Variants in BEND3 observed in about 807,000 individuals in gnomAD.
BEND3 encodes BEN domain-containing protein 3.
BEND3 carries 13 observed loss-of-function variants against 60.1 expected under a neutral mutation model. The ratio of observed to expected loss-of-function variants is 0.22; its 90% CI spans 0.14 to 0.34. The LOEUF is 0.34. Among genes scored for constraint, BEND3 ranks in the 10% least tolerant of loss-of-function variants. BEND3 has a pLI of 1.00. For synonymous variants in BEND3, 497 were observed against 491.5 expected (o/e 1.01, Z -0.15); for missense variants, 896 against 1,138.1 (o/e 0.79, Z 3.06).
rs117573029 is a variant in BEND3 at position 107,071,814 on chromosome 6, G to A, written c.241-864C>T. 6.2e-3 allele frequency among the ~76,000 whole-genome samples: 946 copies of A among 152,252 alleles called. 5 individuals are homozygous for A. Among genetic ancestry groups the A allele is most frequent in the Non-Finnish European group, 0.011 (718 of 68,030 alleles). On this transcript the variant is annotated intron_variant, in intron 3 of 3. Coordinates refer to ENST00000369042, the MANE Select transcript of BEND3 (RefSeq NM_001367314.1). ...TTGTGTATGTACAATTCTAGAAAAC[G>A]CAAGCTTGCCTATAGTGACAGAATG...
intron 3 of BEND3, among the ~76,000 whole-genome samples, chr6:107,079,078 C>G (rs1196351475): frequency 5.3e-5 from 8 of 152,080 alleles, no homozygotes; most frequent in Non-Finnish European, 1.2e-4. Context: ...GAAGAAGATA[C>G]AAGCAACTGG....
intron 3 of BEND3, among the ~76,000 whole-genome samples, chr6:107,094,935 C>T (rs1306983168): frequency 1.3e-5 from 2 of 151,560 alleles, no homozygotes; most frequent in African/African-American, 2.4e-5. Context: ...ATCCTCCCAC[C>T]GCAGCCTCCC....
intron 3 of BEND3, among the ~76,000 whole-genome samples, chr6:107,082,524 T>C (rs1029603074): frequency 6.6e-6 from 1 of 152,142 alleles, no homozygotes; most frequent in African/African-American, 2.4e-5. Context: ...AACTTCTACC[T>C]CCTGGGTTCA....
intron 3 of BEND3, among the ~76,000 whole-genome samples, chr6:107,091,904 CA>C (rs1361170811): frequency 2.6e-5 from 4 of 152,112 alleles, no homozygotes; most frequent in African/African-American, 9.7e-5. Context: ...CTCAATAAAA[CA>C]TTAGCAGGAG....
chr6:107,097,971 G>C (rs1486102839), intron 3 of BEND3, among the ~76,000 whole-genome samples: 1 of 151,884 alleles, frequency 6.6e-6, no homozygotes, highest in African/African-American at 2.4e-5. Context: ...AATTTGTTTG[G>C]ATCTGCCCTA....
At position 107,068,605 on chromosome 6, in the gene BEND3, T is replaced by C; in HGVS notation, c.*99A>G. Reference sequence around the variant, plus strand: ...TCCCCACGGACATAAGGTGCCTGTCTGTGGATGCCATAGGCGTGCTCCCAA... The same window carrying C: ...TCCCCACGGACATAAGGTGCCTGTCCGTGGATGCCATAGGCGTGCTCCCAA... On this transcript the variant is annotated 3_prime_UTR_variant, in exon 4 of 4. Transcript: ENST00000369042. The surrounding 1 kb of genome is among the most constrained non-coding windows in gnomAD (Gnocchi z 5.8). 1 of 1,337,350 alleles carries C rather than the reference T, an allele frequency of 7.5e-7. No individual in the cohort carries two copies. Among genetic ancestry groups the C allele is most frequent in the Non-Finnish European group, 1.0e-6 (1 of 981,186 alleles). 82.8% of individuals were successfully genotyped at this position (1,337,350 alleles called of 1,614,324 possible). A position where few individuals can be genotyped will look rare whatever the true frequency, so the allele number is the denominator to read the frequency against.
chr6:107,103,948 C>CA (rs781876027), intron 1 of BEND3, among the ~76,000 whole-genome samples: 44 of 92,840 alleles, frequency 4.7e-4, no homozygotes, highest in East Asian at 4.3e-3. Context: ...AACTCCGTCT[C>CA]AAAAAAAAAA....
Position 107,068,944 on chromosome 6 carries a change from G to C in BEND3, c.2247C>G (p.Pro749=). 1 of 1,613,932 alleles carries C rather than the reference G, an allele frequency of 6.2e-7. No homozygotes were observed. The highest frequency in any genetic ancestry group is 1.3e-5 in the African/African-American group (1 of 75,036). Residue 749 remains proline, a synonymous_variant, in exon 4 of 4, where the codon CCC becomes CCG. Coordinates refer to ENST00000369042, the MANE Select transcript of BEND3 (RefSeq NM_001367314.1). This position sits in a 1 kb window ranked among gnomAD's most constrained non-coding sequence, Gnocchi z 5.8. ...GGAGGTTCTCGGCGGTGAAGAGTTC[G>C]GGAAACAGGCGGACGAGGAGCCGGG... ...FAARLLVRLF[P]ELFTAENLRL... is the part of the protein sequence containing the mutation.
chr6:107,099,515 T>C (rs533698847), intron 1 of BEND3, among the ~76,000 whole-genome samples: 3 of 152,310 alleles, frequency 2.0e-5, no homozygotes, highest in African/African-American at 4.8e-5. Flanking sequence ...CAAGACTTTA[T>C]GTGAGCAGAA....
Position 107,068,767 on chromosome 6 carries a change from C to A in BEND3, c.2424G>T (p.Arg808Ser). 6.2e-7 allele frequency: 1 copy of A among 1,614,008 alleles called. No individual in the cohort carries two copies. The highest frequency in any genetic ancestry group is 1.1e-5 in the South Asian group (1 of 91,078). Residue 808 changes from arginine (R) to serine (S), a missense_variant, in exon 4 of 4, where the codon AGG becomes AGT. Around this residue, in one of 4 missense-constraint regions of BEND3, gnomAD observed 5 missense variants for 31.5 expected, o/e 0.16. Coordinates refer to ENST00000369042, the MANE Select transcript of BEND3 (RefSeq NM_001367314.1). The surrounding 1 kb of genome is among the most constrained non-coding windows in gnomAD (Gnocchi z 5.8). ...ATTTTTTCCTGTTGGGGCGGCGGCA[C>A]CTCTCATCGATGCTGGGGATACATT... ...HYECIPSIDE[R>S]CRRPNRKKCD...
At chr6:107,113,028 C>A (rs966076030) in intron 1 of BEND3, among the ~76,000 whole-genome samples, 1 of 151,952 alleles carries the variant, frequency 6.6e-6, no homozygotes, top group East Asian at 1.9e-4. Context: ...AGTGGTGGCA[C>A]GCGCCTGTAG....
Position 107,066,661 on chromosome 6 carries a change from G to C in BEND3, c.*2043C>G, listed in dbSNP as rs1774836694. ...GCTTGGAGTCCTCGTTTACATCCTA[G>C]AAACCAGAACAAATTCCATGGGACC... On this transcript the variant is annotated 3_prime_UTR_variant, in exon 4 of 4. Coordinates refer to ENST00000369042, the MANE Select transcript of BEND3 (RefSeq NM_001367314.1). 6.6e-6 allele frequency: 1 copy of C among 152,544 alleles called. No individual in the cohort carries two copies. The highest frequency in any genetic ancestry group is 2.1e-4 in the South Asian group (1 of 4,826). The allele number at this position is 152,544 out of a possible 1,614,324, so 9.4% of individuals were successfully genotyped here. A position where few individuals can be genotyped will look rare whatever the true frequency, so the allele number is the denominator to read the frequency against.
At chr6:107,085,189 A>T (rs1775317670) in intron 3 of BEND3, among the ~76,000 whole-genome samples, 1 of 152,160 alleles carries the variant, frequency 6.6e-6, no homozygotes, top group Non-Finnish European at 1.5e-5. Flanking sequence ...CCACGAACCC[A>T]CCGGAAGGAA....
chr6:107,110,584 A>T (rs1164252911), intron 1 of BEND3, among the ~76,000 whole-genome samples: 2 of 152,034 alleles, frequency 1.3e-5, no homozygotes, highest in Non-Finnish European at 2.9e-5. Context: ...TTTGAGACAG[A>T]GTCTTGCTCT....
chr6:107,112,652 G>A (rs1554238611), intron 1 of BEND3, among the ~76,000 whole-genome samples: 1 of 152,084 alleles, frequency 6.6e-6, no homozygotes, highest in Non-Finnish European at 1.5e-5. Flanking sequence ...TCGGGAGTTC[G>A]AGACCAGCCT....
chr6:107,095,021 C>T (rs1775556017), intron 3 of BEND3, among the ~76,000 whole-genome samples: 1 of 151,844 alleles, frequency 6.6e-6, no homozygotes, highest in Non-Finnish European at 1.5e-5. Flanking sequence ...CAAGGTTTTG[C>T]CATATTGCCC....
chr6:107,113,455 A>AC (rs1217943356), intron 1 of BEND3, among the ~76,000 whole-genome samples: 21 of 15,704 alleles, frequency 1.3e-3, no homozygotes, highest in South Asian at 2.5e-3. Flanking sequence ...AAAAAAAAAC[A>AC]AAAAAAAAAC....
chr6:107,078,010 T>C (rs1554232966), intron 3 of BEND3, among the ~76,000 whole-genome samples: 1 of 152,128 alleles, frequency 6.6e-6, no homozygotes, highest in Non-Finnish European at 1.5e-5. Flanking sequence ...CCCACTTCTG[T>C]GAACAAAAAG....
chr6:107,097,295 A>G (rs1462050471), intron 3 of BEND3, among the ~76,000 whole-genome samples: 9 of 151,594 alleles, frequency 5.9e-5, no homozygotes, highest in Admixed American at 5.3e-4. Flanking sequence ...TGAACCCAGG[A>G]GGCGGAGGTT....
Sources: allele counts gnomAD v4.1 joint callset (sites outside exome capture counted in the v4.1 genomes callset), GRCh38; gene constraint gnomAD v4.1.1; regional missense constraint gnomAD v4.1.1; non-coding constraint Gnocchi (gnomAD v3.1); transcripts MANE v1.5; gene names NCBI Gene and HGNC (gene_info 2026-07-23, HGNC 2026-07-21).